Variants in LGR5 observed in about 807,000 individuals in gnomAD.
LGR5 encodes leucine rich repeat containing G protein-coupled receptor 5.
LGR5 carries 54 observed loss-of-function variants against 76.7 expected under a neutral mutation model. The ratio of observed to expected loss-of-function variants is 0.70; its 90% CI spans 0.57 to 0.88. The LOEUF (loss-of-function observed/expected upper bound fraction) is 0.88. Among genes scored for constraint, LGR5 ranks in the 40% least tolerant of loss-of-function variants. The probability of loss-of-function intolerance (pLI) is 0.00; values close to 1 mark genes in which losing one functional copy is unlikely to be tolerated. For synonymous variants in LGR5, 406 were observed against 421.9 expected (o/e 0.96, Z 0.46); for missense variants, 1,078 against 1,073.3 (o/e 1.00, Z -0.06).
intron 17 of LGR5, among the ~76,000 whole-genome samples, chr12:71,582,801 A>T (rs1262401323): frequency 6.6e-6 from 1 of 152,170 alleles, no homozygotes; most frequent in African/African-American, 2.4e-5. Context: ...GGCATATGTA[A>T]TTTTTAAAAT....
intron 13 of LGR5, chr12:71,573,158 G>A (rs1878692022): frequency 8.0e-6 from 3 of 376,658 alleles, no homozygotes; most frequent in Non-Finnish European, 1.4e-5. Flanking sequence ...GAAGAGGAAG[G>A]AAGCTAAGCT....
At position 71,564,701 on chromosome 12, in the gene LGR5, CACACTGTATATATACATAT is replaced by C. The variant is rs1565761417; in HGVS notation, c.858-1701_858-1683del. ...ATATACATATATACATATATGTACA[CACACTGTATATATACATAT>C]ATACATATATGTACACACACTGTAT... On this transcript the variant is annotated intron_variant, in intron 8 of 17. Coordinates refer to ENST00000266674, the MANE Select transcript of LGR5 (RefSeq NM_003667.4). Among the ~76,000 whole-genome samples the C allele has an allele frequency of 2.6e-3, 37 of 14,144 alleles. 2 individuals carry two copies. The Middle Eastern group carries it at 0.16, about 60-fold the overall frequency. The allele number at this position is 14,144 out of a possible 152,430, so 9.3% of individuals were successfully genotyped here.
At position 71,584,372 on chromosome 12, in the gene LGR5, T is replaced by A; in HGVS notation, c.2362T>A (p.Ser788Thr). The A allele has an allele frequency of 6.2e-7, 1 of 1,614,226 alleles. No homozygotes were observed. The highest frequency in any genetic ancestry group is 8.5e-7 in the Non-Finnish European group (1 of 1,180,032). Residue 788 changes from serine (S) to threonine (T), a missense_variant, in exon 18 of 18, where the codon TCC (serine) becomes ACC (threonine). Physicochemically the swap from Ser to Thr is moderately conservative, Grantham distance 58. Transcript: ENST00000266674. ...LNCPVAFLSF[S>T]SLINLTFISP... ...CTGCCCTGTGGCTTTCTTGTCCTTC[T>A]CCTCTTTAATAAACCTTACATTTAT...
intron 16 of LGR5, 97 bp downstream of exon 16, chr12:71,580,520 G>T: frequency 7.8e-7 from 1 of 1,279,300 alleles, no homozygotes; most frequent in Non-Finnish European, 1.1e-6. Context: ...AACAGGCCGG[G>T]TGTGGTGGCA....
chr12:71,446,693 T>A (rs1203335237), intron 1 of LGR5, among the ~76,000 whole-genome samples: 1 of 152,242 alleles, frequency 6.6e-6, no homozygotes, highest in African/African-American at 2.4e-5. Context: ...CTGAAATGTT[T>A]TGGCCCATTT....
At chr12:71,497,150 C>CA (rs201276823) in intron 1 of LGR5, among the ~76,000 whole-genome samples, 1 of 150,802 alleles carries the variant, frequency 6.6e-6, no homozygotes, top group African/African-American at 2.4e-5. Context: ...CTCATCTCTA[C>CA]GAAAAAAAAA....
intron 3 of LGR5, among the ~76,000 whole-genome samples, chr12:71,527,782 A>G (rs911304206): frequency 1.3e-5 from 2 of 152,218 alleles, no homozygotes; most frequent in Non-Finnish European, 2.9e-5. Flanking sequence ...CATTCAAACC[A>G]TAACAGCATT....
chr12:71,443,376 T>A (rs1369663251), intron 1 of LGR5, among the ~76,000 whole-genome samples: 1 of 152,214 alleles, frequency 6.6e-6, no homozygotes, highest in East Asian at 1.9e-4. Flanking sequence ...ACAGTAGGTC[T>A]TTAACTGGAC....
At chr12:71,533,707 T>C (rs1476065193) in intron 3 of LGR5, among the ~76,000 whole-genome samples, 1 of 152,354 alleles carries the variant, frequency 6.6e-6, no homozygotes, top group African/African-American at 2.4e-5. Context: ...ATGCTTATCA[T>C]GTAGCAAGCA....
At chr12:71,472,414 C>T (rs1301069861) in intron 1 of LGR5, among the ~76,000 whole-genome samples, 10 of 152,150 alleles carry the variant, frequency 6.6e-5, no homozygotes, top group African/African-American at 1.2e-4. Flanking sequence ...GAACAGAAGC[C>T]GTCTGACCTC....
At position 71,584,035 on chromosome 12, in the gene LGR5, A is replaced by T; in HGVS notation, c.2025A>T (p.Lys675Asn). The part of the protein sequence containing the change: ...SVKYSAKFET[K>N]APFSSLKVII... The stretch of plus-strand genomic sequence containing the variant: ...AATATTCTGCAAAATTTGAAACGAA[A>T]GCTCCATTTTCTAGCCTGAAAGTAA... Residue 675 changes from lysine to asparagine, a missense_variant, in exon 18 of 18, where the codon AAA becomes AAT. Lys to Asn is a moderately conservative substitution (Grantham distance 94, BLOSUM62 0). Transcript: ENST00000266674. 2 of 1,614,132 alleles carry T rather than the reference A, an allele frequency of 1.2e-6. No homozygotes were observed. The highest frequency in any genetic ancestry group is 2.2e-5 in the South Asian group (2 of 91,084).
chr12:71,480,985 TAAC>T (rs1873571481), intron 1 of LGR5, among the ~76,000 whole-genome samples: 1 of 152,220 alleles, frequency 6.6e-6, no homozygotes, highest in Admixed American at 6.5e-5. Flanking sequence ...GATAGCTAGA[TAAC>T]AACATTTAGG....
At chr12:71,498,040 G>A (rs549665349) in intron 1 of LGR5, among the ~76,000 whole-genome samples, 206 of 152,142 alleles carry the variant, frequency 1.4e-3, no homozygotes, top group African/African-American at 4.1e-3. Flanking sequence ...GAGAAAAGAA[G>A]GAGAAAAGAA....
intron 13 of LGR5, 69 bp downstream of exon 13, chr12:71,572,990 T>A: frequency 8.6e-7 from 1 of 1,159,964 alleles, no homozygotes; most frequent in Non-Finnish European, 1.3e-6. Flanking sequence ...CTTCCCCTAA[T>A]GTTTTCTTTT....
intron 7 of LGR5, among the ~76,000 whole-genome samples, chr12:71,560,969 A>G (rs945172363): frequency 6.6e-6 from 1 of 152,230 alleles, no homozygotes; most frequent in African/African-American, 2.4e-5. Context: ...AGATGATAAA[A>G]TTTAATTAGC....
At chr12:71,543,804 C>T (rs150569858) in intron 4 of LGR5, among the ~76,000 whole-genome samples, 3 of 152,194 alleles carry the variant, frequency 2.0e-5, no homozygotes, top group East Asian at 3.9e-4. Context: ...TGGAAAGTCT[C>T]GGAGATGAAG....
intron 2 of LGR5, among the ~76,000 whole-genome samples, chr12:71,513,148 G>A (rs1875249935): frequency 6.6e-6 from 1 of 152,092 alleles, no homozygotes; most frequent in African/African-American, 2.4e-5. Context: ...TAAAATTTGA[G>A]TACCACTAAG....
At chr12:71,484,532 T>C (rs1873745297) in intron 1 of LGR5, among the ~76,000 whole-genome samples, 1 of 152,216 alleles carries the variant, frequency 6.6e-6, no homozygotes, top group Admixed American at 6.5e-5. Context: ...AAGGAATACT[T>C]CCCTCTGAGT....
intron 17 of LGR5, among the ~76,000 whole-genome samples, chr12:71,583,137 A>G (rs529507062): frequency 3.7e-4 from 57 of 152,302 alleles, no homozygotes; most frequent in Non-Finnish European, 7.5e-4. Context: ...AAAGATAGCT[A>G]GGAAGAGTTG....
Sources: allele counts gnomAD v4.1 joint callset (sites outside exome capture counted in the v4.1 genomes callset), GRCh38; gene constraint gnomAD v4.1.1; transcripts MANE v1.5; gene names NCBI Gene and HGNC (gene_info 2026-07-23, HGNC 2026-07-21).